Variants in LRRTM4 observed in about 807,000 individuals in gnomAD.
LRRTM4 encodes leucine-rich repeat transmembrane neuronal protein 4.
LRRTM4 carries 25 observed loss-of-function variants against 47.6 expected under a neutral mutation model. That is an observed-to-expected ratio of 0.53 (90% confidence interval 0.38 to 0.73). LRRTM4 has a LOEUF of 0.73. Ranked by LOEUF, LRRTM4 falls within the 30% of genes least tolerant of loss-of-function variation. LRRTM4 has a pLI of 0.00. For missense variants in LRRTM4, 638 were observed against 713.4 expected (o/e 0.89, Z 1.20); for synonymous variants, 311 against 269.5 (o/e 1.15, Z -1.51).
intron 3 of LRRTM4, among the ~76,000 whole-genome samples, chr2:76,786,552 A>G (rs183865531): frequency 2.6e-5 from 4 of 151,730 alleles, no homozygotes; most frequent in South Asian, 4.2e-4. Flanking sequence ...GTCTGATTCA[A>G]TTTTCTGCTA....
At chr2:77,126,747 G>A (rs961640223) in intron 3 of LRRTM4, among the ~76,000 whole-genome samples, 1 of 152,170 alleles carries the variant, frequency 6.6e-6, no homozygotes, top group Non-Finnish European at 1.5e-5. Flanking sequence ...GAAACACCTG[G>A]AAGTGGAAGA....
intron 3 of LRRTM4, among the ~76,000 whole-genome samples, chr2:76,807,605 A>G (rs1389265534): frequency 1.3e-5 from 2 of 149,950 alleles, no homozygotes; most frequent in Admixed American, 6.7e-5. Flanking sequence ...TATTATTATT[A>G]TTTTGAGACT....
intron 3 of LRRTM4, among the ~76,000 whole-genome samples, chr2:76,832,260 T>A (rs1034250583): frequency 1.3e-5 from 2 of 152,218 alleles, no homozygotes; most frequent in Non-Finnish European, 2.9e-5. Context: ...CTTCTTTGTA[T>A]CCTTAGCGAG....
At chr2:77,060,924 CTT>C (rs1333276694) in intron 3 of LRRTM4, among the ~76,000 whole-genome samples, 2 of 152,076 alleles carry the variant, frequency 1.3e-5, no homozygotes, top group Non-Finnish European at 1.5e-5. Flanking sequence ...ATGCATCTGA[CTT>C]TATTTTCCAA....
At chr2:77,217,997 T>A (rs1381171137) in intron 3 of LRRTM4, among the ~76,000 whole-genome samples, 2 of 152,124 alleles carry the variant, frequency 1.3e-5, no homozygotes. Flanking sequence ...TTTATTTTAT[T>A]TTTTTTGAGA....
intron 3 of LRRTM4, among the ~76,000 whole-genome samples, chr2:76,888,042 TATATAC>T (rs1673133088): frequency 1.3e-5 from 2 of 149,824 alleles, no homozygotes; most frequent in African/African-American, 4.9e-5. Context: ...TGTGTGTGTA[TATATAC>T]ATATATGTGT....
At chr2:77,047,878 C>T (rs1558548549) in intron 3 of LRRTM4, among the ~76,000 whole-genome samples, 1 of 152,148 alleles carries the variant, frequency 6.6e-6, no homozygotes, top group South Asian at 2.1e-4. Context: ...TTTGGGCATA[C>T]TTATTCTTTG....
intron 3 of LRRTM4, among the ~76,000 whole-genome samples, chr2:77,502,961 A>T (rs1181870214): frequency 2.0e-5 from 3 of 151,550 alleles, no homozygotes; most frequent in African/African-American, 7.3e-5. Flanking sequence ...CAGTGCCGAG[A>T]GTAGAGTCAT....
intron 3 of LRRTM4, among the ~76,000 whole-genome samples, chr2:76,936,491 C>T (rs537953225): frequency 8.0e-5 from 12 of 149,914 alleles, no homozygotes; most frequent in South Asian, 2.1e-4. Context: ...ATGTAGATGA[C>T]GGGTTGATGG....
intron 3 of LRRTM4, among the ~76,000 whole-genome samples, chr2:77,294,236 G>A (rs140064079): frequency 1.3e-5 from 2 of 151,578 alleles, no homozygotes; most frequent in Non-Finnish European, 2.9e-5. Context: ...TCAACTATTC[G>A]ATCAATAGTG....
intron 3 of LRRTM4, among the ~76,000 whole-genome samples, chr2:76,766,032 G>A (rs914318501): frequency 7.2e-5 from 11 of 152,184 alleles, no homozygotes; most frequent in African/African-American, 2.7e-4. Flanking sequence ...ACTCTGGACT[G>A]AGAGGAAGAC....
chr2:77,275,374 T>A (rs1676316777), intron 3 of LRRTM4, among the ~76,000 whole-genome samples: 4 of 103,828 alleles, frequency 3.9e-5, no homozygotes. Context: ...TAGTGCTACA[T>A]AAATACTTAC....
intron 3 of LRRTM4, among the ~76,000 whole-genome samples, chr2:76,808,869 T>C (rs901301056): frequency 6.6e-6 from 1 of 152,182 alleles, no homozygotes; most frequent in Non-Finnish European, 1.5e-5. Context: ...ATCTTCCCAT[T>C]TTAAAAAGAT....
intron 3 of LRRTM4, among the ~76,000 whole-genome samples, chr2:77,236,191 C>G (rs1675099267): frequency 6.6e-6 from 1 of 151,874 alleles, no homozygotes; most frequent in Non-Finnish European, 1.5e-5. Flanking sequence ...ATCTACAATA[C>G]TTTTTAACAG....
intron 3 of LRRTM4, among the ~76,000 whole-genome samples, chr2:76,911,834 G>A (rs1171277820): frequency 6.7e-6 from 1 of 150,350 alleles, no homozygotes; most frequent in Non-Finnish European, 1.5e-5. Flanking sequence ...GTGCCTGTGT[G>A]TGTGTATATT....
chr2:77,507,909 A>C (rs1678840667), intron 3 of LRRTM4, among the ~76,000 whole-genome samples: 12 of 152,116 alleles, frequency 7.9e-5, no homozygotes, highest in Admixed American at 7.9e-4. Flanking sequence ...ACCCTGACTC[A>C]AAAAAGATCT....
At chr2:76,940,776 C>T (rs1675111895) in intron 3 of LRRTM4, among the ~76,000 whole-genome samples, 1 of 152,146 alleles carries the variant, frequency 6.6e-6, no homozygotes, top group Non-Finnish European at 1.5e-5. Context: ...CTTCCCCTTA[C>T]TACACTGTGC....
chr2:77,442,845 G>A (rs1393879312), intron 3 of LRRTM4, among the ~76,000 whole-genome samples: 1 of 152,130 alleles, frequency 6.6e-6, no homozygotes, highest in African/African-American at 2.4e-5. Flanking sequence ...CACTTGGAAG[G>A]AGGTCTGACT....
intron 3 of LRRTM4, among the ~76,000 whole-genome samples, chr2:77,318,210 G>A (rs916650930): frequency 6.6e-6 from 1 of 151,986 alleles, no homozygotes; most frequent in Non-Finnish European, 1.5e-5. Context: ...GTTTCACCAT[G>A]TTAGCAAGGA....
Sources: allele counts gnomAD v4.1 joint callset (sites outside exome capture counted in the v4.1 genomes callset), GRCh38; gene constraint gnomAD v4.1.1; transcripts MANE v1.5; gene names NCBI Gene and HGNC (gene_info 2026-07-23, HGNC 2026-07-21).